Variants in COX7A2L observed in about 807,000 individuals in gnomAD.
COX7A2L encodes cytochrome c oxidase subunit 7A2 like, also known as cytochrome c oxidase subunit 7A2-like, mitochondrial.
Under a neutral mutation model 14.2 loss-of-function variants are expected in COX7A2L, and 18 were observed. That is an observed-to-expected ratio of 1.27 (90% confidence interval 0.88 to 1.88). The LOEUF (loss-of-function observed/expected upper bound fraction) is 1.88. COX7A2L is among the 40% of genes most tolerant of loss of function. The pLI is 0.00. For synonymous variants in COX7A2L, 65 were observed against 57.4 expected (o/e 1.13, Z -0.60); for missense variants, 179 against 138.8 (o/e 1.29, Z -1.46).
intron 1 of COX7A2L, among the ~76,000 whole-genome samples, chr2:42,358,082 T>C (rs1670883408): frequency 6.6e-6 from 1 of 152,222 alleles, no homozygotes; most frequent in African/African-American, 2.4e-5. Context: ...TTTTCCAAAG[T>C]GGCTGCGTCA....
At chr2:42,345,828 T>G (rs1405916993), downstream of COX7A2L, among the ~76,000 whole-genome samples, 5 of 152,278 alleles carry the variant, frequency 3.3e-5, no homozygotes, top group African/African-American at 1.2e-4. Context: ...CTCAGCACCG[T>G]GGCCTAACTG....
At chr2:42,337,599 A>G (rs992459048) in intron 2 of COX7A2L, among the ~76,000 whole-genome samples, 3 of 152,080 alleles carry the variant, frequency 2.0e-5, no homozygotes, top group African/African-American at 7.2e-5. Flanking sequence ...AAACCAAGGA[A>G]GCCTGTGGTC....
intron 1 of COX7A2L, among the ~76,000 whole-genome samples, chr2:42,355,762 G>A (rs1670797832): frequency 9.0e-6 from 1 of 110,798 alleles, no homozygotes; most frequent in Non-Finnish European, 1.6e-5. Flanking sequence ...ATCTCGCTCT[G>A]TTGCCCTGGC....
At chr2:42,352,922 T>C (rs559384328) in intron 2 of COX7A2L, 34 of 471,578 alleles carry the variant, frequency 7.2e-5, no homozygotes, top group African/African-American at 2.4e-4. Flanking sequence ...TACTCAGTTA[T>C]TGAGGCTATT....
chr2:42,337,183 C>T (rs1670295598), intron 2 of COX7A2L, among the ~76,000 whole-genome samples: 1 of 152,166 alleles, frequency 6.6e-6, no homozygotes, highest in Admixed American at 6.6e-5. Context: ...GAATCAACCT[C>T]CAAAAGGCTG....
chr2:42,351,507 A>T (rs2103888442), intron 2 of COX7A2L, 148 bp from the exon 3 acceptor site: 1 of 938,244 alleles, frequency 1.1e-6, no homozygotes, highest in South Asian at 1.9e-5. Flanking sequence ...TGCTAGTAGA[A>T]GTTCCTATAA....
downstream of COX7A2L, among the ~76,000 whole-genome samples, chr2:42,346,030 T>C (rs760763498): frequency 4.6e-5 from 7 of 152,174 alleles, no homozygotes; most frequent in African/African-American, 1.4e-4. Flanking sequence ...CGAAAGATTC[T>C]GCACCGTCAA....
In COX7A2L at chr2:42,360,874, C is replaced by T. The variant is rs553426705; in HGVS notation, c.72+216G>A. 19 of 598,916 alleles carry T rather than the reference C, an allele frequency of 3.2e-5. No individual in the cohort carries two copies. In the African/African-American group the frequency reaches 3.2e-4, roughly 10 times the overall value. The allele number at this position is 598,916 out of a possible 1,614,324, so 37.1% of individuals were successfully genotyped here. On this transcript the variant is annotated intron_variant, in intron 1 of 2. Coordinates refer to ENST00000234301, the MANE Select transcript of COX7A2L (RefSeq NM_004718.4). ...CCTGCAGTGAGCCAGACCAAACTTC[C>T]ACGCCAGGCCAGCCCCCGCCAGGTG...
intron 2 of COX7A2L, among the ~76,000 whole-genome samples, chr2:42,335,571 A>C (rs1255724958): frequency 6.6e-6 from 1 of 152,210 alleles, no homozygotes; most frequent in Non-Finnish European, 1.5e-5. Context: ...CATGTGTTTA[A>C]CATGTATTAA....
intron 2 of COX7A2L, among the ~76,000 whole-genome samples, chr2:42,352,545 T>A (rs182967231): frequency 5.3e-5 from 8 of 152,124 alleles, no homozygotes; most frequent in Non-Finnish European, 1.2e-4. Flanking sequence ...AAAAAGAGAT[T>A]AAACTGATCA....
At chr2:42,341,103 A>T (rs1023912717) in intron 2 of COX7A2L, among the ~76,000 whole-genome samples, 1 of 152,158 alleles carries the variant, frequency 6.6e-6, no homozygotes, top group Non-Finnish European at 1.5e-5. Flanking sequence ...AAACAGAAAA[A>T]ATATGCTGGA....
chr2:42,340,175 T>C (rs1670373231), intron 2 of COX7A2L, among the ~76,000 whole-genome samples: 1 of 152,088 alleles, frequency 6.6e-6, no homozygotes, highest in African/African-American at 2.4e-5. Flanking sequence ...ACCCCCAGGT[T>C]CTGTACTCCA....
intron 1 of COX7A2L, among the ~76,000 whole-genome samples, chr2:42,366,716 T>TA (rs1671171862): frequency 6.6e-6 from 1 of 152,248 alleles, no homozygotes; most frequent in African/African-American, 2.4e-5. Context: ...TAGCATGATG[T>TA]AAAGCATTAG....
At chr2:42,344,605 C>A (rs1320293301), downstream of COX7A2L, among the ~76,000 whole-genome samples, 1 of 152,178 alleles carries the variant, frequency 6.6e-6, no homozygotes, top group Non-Finnish European at 1.5e-5. Context: ...GTAGTCCCAG[C>A]AGTTTGGGAG....
At chr2:42,337,940 G>A (rs1456487859) in intron 2 of COX7A2L, among the ~76,000 whole-genome samples, 1 of 152,194 alleles carries the variant, frequency 6.6e-6, no homozygotes, top group African/African-American at 2.4e-5. Context: ...TCTAGCGCCC[G>A]CTCTGCTACC....
At chr2:42,360,673 A>C (rs1670997554) in intron 1 of COX7A2L, among the ~76,000 whole-genome samples, 1 of 151,690 alleles carries the variant, frequency 6.6e-6, no homozygotes, top group Non-Finnish European at 1.5e-5. Flanking sequence ...CGCGCTCTCT[A>C]ATCTCGAGCT....
At chr2:42,357,761 G>C (rs1670873077) in intron 1 of COX7A2L, among the ~76,000 whole-genome samples, 1 of 152,018 alleles carries the variant, frequency 6.6e-6, no homozygotes, top group African/African-American at 2.4e-5. Flanking sequence ...TCATGCTGAA[G>C]CCCTCCCTCC....
chr2:42,365,725 C>T (rs879585745), upstream of COX7A2L: 2 of 152,066 alleles, frequency 1.3e-5, no homozygotes, highest in Non-Finnish European at 2.9e-5. Context: ...CCCAAATTAC[C>T]AGGTAATTTA....
chr2:42,367,346 G>A (rs1356903797), intron 1 of COX7A2L, among the ~76,000 whole-genome samples: 1 of 152,188 alleles, frequency 6.6e-6, no homozygotes, highest in Non-Finnish European at 1.5e-5. Context: ...TTACCAGGTA[G>A]CAAAGGTACC....
Sources: allele counts gnomAD v4.1 joint callset (sites outside exome capture counted in the v4.1 genomes callset), GRCh38; gene constraint gnomAD v4.1.1; transcripts MANE v1.5; gene names NCBI Gene and HGNC (gene_info 2026-07-23, HGNC 2026-07-21).